Variants in LARGE1 observed in about 807,000 individuals in gnomAD.
LARGE1 encodes LARGE xylosyl- and glucuronyltransferase 1, also known as xylosyl- and glucuronyltransferase LARGE1.
LARGE1 carries 43 observed loss-of-function variants against 87.6 expected under a neutral mutation model. The ratio of observed to expected loss-of-function variants is 0.49; its 90% CI spans 0.38 to 0.63. LARGE1 has a LOEUF of 0.63. Ranked by LOEUF, LARGE1 falls within the 30% of genes least tolerant of loss-of-function variation. The pLI, the probability that LARGE1 is intolerant of heterozygous loss-of-function variation, is 0.00. For missense variants in LARGE1, 802 were observed against 1,000.2 expected (o/e 0.80, Z 2.67); for synonymous variants, 434 against 394.6 (o/e 1.10, Z -1.18).
intron 2 of LARGE1, among the ~76,000 whole-genome samples, chr22:33,736,653 A>G (rs1198728679): frequency 6.6e-6 from 1 of 152,066 alleles, no homozygotes; most frequent in Non-Finnish European, 1.5e-5. Context: ...CAATTTATCT[A>G]TTTTTTTCTT....
intron 11 of LARGE1, among the ~76,000 whole-genome samples, chr22:33,223,789 C>A (rs1290166914): frequency 5.3e-5 from 8 of 152,164 alleles, no homozygotes; most frequent in Non-Finnish European, 1.2e-4. Context: ...CAGCCTTTGA[C>A]ATTATCTTAC....
chr22:33,393,733 G>A (rs1173823361), intron 7 of LARGE1, among the ~76,000 whole-genome samples: 6 of 152,232 alleles, frequency 3.9e-5, no homozygotes, highest in Non-Finnish European at 5.9e-5. Context: ...TTGCCCCTGA[G>A]TGCTCTGCAC....
intron 1 of LARGE1, among the ~76,000 whole-genome samples, chr22:33,763,457 C>T (rs9621767): frequency 0.021 from 3,261 of 152,274 alleles, 139 homozygotes; most frequent in African/African-American, 0.075. Context: ...GAAAAAAAGT[C>T]CCCTCTAGGG....
chr22:33,362,194 C>T lies in LARGE1; in HGVS notation c.1131+19725G>A, dbSNP rs146077477. Among the ~76,000 whole-genome samples the T allele has an allele frequency of 8.7e-5, 13 of 148,900 alleles. 1 individual carries two copies. The highest frequency in any genetic ancestry group is 5.8e-4 in the East Asian group (3 of 5,138). On this transcript the variant is annotated intron_variant, in intron 9 of 14. Transcript: ENST00000397394. ...AGCCAGGGAAGGCTGAGTTATCAAG[C>T]GTAAGGACTAAAGAGATAACAATGA...
chr22:33,161,658 T>C (rs993948043), downstream of LARGE1, among the ~76,000 whole-genome samples: 2 of 152,222 alleles, frequency 1.3e-5, no homozygotes, highest in Admixed American at 6.5e-5. Context: ...AAAATGATCT[T>C]CTTTGATTCC....
intron 2 of LARGE1, 34 bp downstream of exon 2, chr22:33,761,337 C>T (rs752289821): frequency 6.7e-7 from 1 of 1,498,676 alleles, no homozygotes; most frequent in Admixed American, 1.7e-5. Flanking sequence ...CCCTTTCTTC[C>T]CTCCTTCCCT....
intron 12 of LARGE1, among the ~76,000 whole-genome samples, chr22:33,289,365 C>T (rs529354575): frequency 2.4e-4 from 36 of 152,306 alleles, no homozygotes; most frequent in African/African-American, 8.4e-4. Context: ...AGCTTCCAAA[C>T]CTGACTGCTC....
intron 1 of LARGE1, among the ~76,000 whole-genome samples, chr22:33,878,899 T>A (rs2064569963): frequency 6.6e-6 from 1 of 152,162 alleles, no homozygotes; most frequent in Non-Finnish European, 1.5e-5. Flanking sequence ...AGAGATATCA[T>A]CAGGATGCAT....
At chr22:33,514,738 G>A (rs957785785) in intron 6 of LARGE1, among the ~76,000 whole-genome samples, 2 of 152,030 alleles carry the variant, frequency 1.3e-5, no homozygotes, top group Admixed American at 6.6e-5. Context: ...TCTTTTAGTC[G>A]GCTAGTCTAC....
At chr22:33,412,823 G>T (rs770999034) in intron 7 of LARGE1, among the ~76,000 whole-genome samples, 4 of 152,078 alleles carry the variant, frequency 2.6e-5, no homozygotes, top group Non-Finnish European at 5.9e-5. Flanking sequence ...CCCATGCTGG[G>T]GTAATTTTTG....
chr22:33,823,195 G>A (rs2146271437), intron 1 of LARGE1, among the ~76,000 whole-genome samples: 1 of 152,288 alleles, frequency 6.6e-6, no homozygotes, highest in Non-Finnish European at 1.5e-5. Flanking sequence ...GTCTTCCCAT[G>A]AGAAAAATTC....
At chr22:33,516,507 A>G (rs917736332) in intron 6 of LARGE1, among the ~76,000 whole-genome samples, 5 of 152,130 alleles carry the variant, frequency 3.3e-5, no homozygotes, top group Non-Finnish European at 2.9e-5. Context: ...CTCACAAATT[A>G]TACAGCTGGT....
In LARGE1 at chr22:33,730,009, C is replaced by T. The variant is rs567505352; in HGVS notation, c.106+31362G>A. On this transcript the variant is annotated intron_variant, in intron 2 of 14. Transcript: ENST00000397394. ...GCGTGTGTGTGTGCGTGCATGCGTG[C>T]GTGTGTGTGTTGAGGGAGACAGAGA... Among the ~76,000 whole-genome samples, 7 of 151,964 alleles carry T rather than the reference C, an allele frequency of 4.6e-5. No homozygotes were observed. In the East Asian group the frequency reaches 7.7e-4, roughly 17 times the overall value.
chr22:33,788,264 T>G (rs1261496620), intron 1 of LARGE1, among the ~76,000 whole-genome samples: 1 of 152,246 alleles, frequency 6.6e-6, no homozygotes, highest in Admixed American at 6.5e-5. Flanking sequence ...CAAGCTTTCT[T>G]GCCTGCTGCC....
At chr22:33,381,873 G>A (rs761650597) in intron 9 of LARGE1, 46 bp downstream of exon 9, 38 of 1,612,570 alleles carry the variant, frequency 2.4e-5, no homozygotes, top group Non-Finnish European at 3.1e-5. Flanking sequence ...AGGTCCTCTC[G>A]GCCCACCTCA....
At chr22:33,604,122 T>C (rs546239804) in intron 5 of LARGE1, among the ~76,000 whole-genome samples, 1 of 152,178 alleles carries the variant, frequency 6.6e-6, no homozygotes, top group Non-Finnish European at 1.5e-5. Flanking sequence ...TTTACTTCAC[T>C]GGGTAATGGA....
chr22:33,150,348 A>C, the LARGE1 span, among the ~76,000 whole-genome samples: 11 of 151,928 alleles, frequency 7.2e-5, no homozygotes, highest in Admixed American at 6.6e-5. Context: ...CCCCGATTAA[A>C]GGCTTCTTCC....
intron 6 of LARGE1, among the ~76,000 whole-genome samples, chr22:33,514,438 G>A (rs1183772573): frequency 1.3e-5 from 2 of 152,230 alleles, no homozygotes; most frequent in South Asian, 4.2e-4. Flanking sequence ...TCATCCAAAT[G>A]TGGATCAAAA....
intron 1 of LARGE1, chr22:33,889,285 A>G (rs939962705): frequency 5.9e-5 from 9 of 152,196 alleles, no homozygotes; most frequent in Admixed American, 2.0e-4. Flanking sequence ...ATGTCTGACA[A>G]TTTTCGTGGC....
Sources: allele counts gnomAD v4.1 joint callset (sites outside exome capture counted in the v4.1 genomes callset), GRCh38; gene constraint gnomAD v4.1.1; transcripts MANE v1.5; gene names NCBI Gene and HGNC (gene_info 2026-07-23, HGNC 2026-07-21).